MED13L: variants seen among roughly 807,000 people sequenced by gnomAD.
MED13L encodes the protein mediator complex subunit 13L.
In MED13L, 7 loss-of-function variants were observed where a neutral mutation model predicts 220.9. The observed-to-expected ratio is 0.03, with a 90% CI of 0.02 to 0.06. The LOEUF (loss-of-function observed/expected upper bound fraction) is 0.06. Among genes scored for constraint, MED13L ranks in the 10% least tolerant of loss-of-function variants. The pLI is 1.00. For missense variants in MED13L, 1,965 were observed against 2,760.5 expected (o/e 0.71, Z 6.46); for synonymous variants, 1,011 against 1,015.2 (o/e 1.00, Z 0.08).
At chr12:116,193,651 C>T (rs998035195) in intron 2 of MED13L, among the ~76,000 whole-genome samples, 2 of 150,986 alleles carry the variant, frequency 1.3e-5, no homozygotes, top group African/African-American at 4.9e-5. Flanking sequence ...TAATACCTCG[C>T]TATTTTTGTT....
At chr12:116,183,820 A>ATGTGTGTGTGTGTGTGTGTGTGTG (rs57716114) in intron 2 of MED13L, among the ~76,000 whole-genome samples, 2 of 146,486 alleles carry the variant, frequency 1.4e-5, no homozygotes, top group African/African-American at 5.0e-5. Context: ...GTGTGTGTGT[A>ATGTGTGTGTGTGTGTGTGTGTGTG]TGTGTGTGTG....
chr12:116,114,025 T>G (rs933475715), intron 2 of MED13L, among the ~76,000 whole-genome samples: 1 of 152,182 alleles, frequency 6.6e-6, no homozygotes, highest in African/African-American at 2.4e-5. Flanking sequence ...TCCTAAATAC[T>G]TCAGCGTGCA....
intron 4 of MED13L, among the ~76,000 whole-genome samples, chr12:116,066,128 C>G (rs572099384): frequency 1.3e-5 from 2 of 152,200 alleles, no homozygotes; most frequent in Non-Finnish European, 2.9e-5. Flanking sequence ...CACACACACA[C>G]GTGTGCACAC....
At chr12:116,205,600 T>A (rs1319602748) in intron 2 of MED13L, among the ~76,000 whole-genome samples, 3 of 151,544 alleles carry the variant, frequency 2.0e-5, no homozygotes, top group African/African-American at 7.3e-5. Context: ...CTACTGTTTT[T>A]GGCCAGAGGG....
At chr12:116,192,637 C>A (rs1345080472) in intron 2 of MED13L, among the ~76,000 whole-genome samples, 1 of 152,144 alleles carries the variant, frequency 6.6e-6, no homozygotes, top group Non-Finnish European at 1.5e-5. Context: ...GGAAGCTGGA[C>A]AGTTCAAGAC....
chr12:116,139,734 T>C (rs973446825), intron 2 of MED13L, among the ~76,000 whole-genome samples: 57 of 152,096 alleles, frequency 3.7e-4, no homozygotes, highest in African/African-American at 1.3e-3. Context: ...GTGGCTCACG[T>C]CTGTAATGCC....
At chr12:116,102,794 T>A (rs910060445) in intron 3 of MED13L, among the ~76,000 whole-genome samples, 4 of 141,016 alleles carry the variant, frequency 2.8e-5, no homozygotes, top group African/African-American at 7.9e-5. Flanking sequence ...TGATCTTGGC[T>A]CACTGCTACC....
chr12:116,203,083 C>T (rs182200699), intron 2 of MED13L, among the ~76,000 whole-genome samples: 353 of 152,260 alleles, frequency 2.3e-3, no homozygotes, highest in African/African-American at 8.2e-3. Context: ...ACAAAAACAG[C>T]GGGACCAAAT....
intron 26 of MED13L, 104 bp from the exon 27 acceptor site, chr12:115,970,874 G>T: frequency 9.3e-7 from 1 of 1,074,688 alleles, no homozygotes; most frequent in Non-Finnish European, 1.4e-6. Flanking sequence ...AAAATGCCAT[G>T]ATAAATACAC....
At chr12:116,201,927 A>C (rs776676743) in intron 2 of MED13L, among the ~76,000 whole-genome samples, 1 of 152,232 alleles carries the variant, frequency 6.6e-6, no homozygotes, top group Non-Finnish European at 1.5e-5. Flanking sequence ...AAGTCTTTTT[A>C]TGGCATTAAA....
intron 8 of MED13L, among the ~76,000 whole-genome samples, chr12:116,014,261 C>G (rs187597436): frequency 6.6e-6 from 1 of 152,312 alleles, no homozygotes; most frequent in East Asian, 1.9e-4. Flanking sequence ...AGAAACATTT[C>G]ATTGGCTTCT....
chr12:116,024,648 ATTTTTG>A (rs1397896751), intron 4 of MED13L, among the ~76,000 whole-genome samples: 2 of 151,182 alleles, frequency 1.3e-5, no homozygotes, highest in African/African-American at 2.4e-5. Context: ...CCCATTTTCT[ATTTTTG>A]TTTTTATTAC....
At chr12:115,967,170 CAAAAAAAAAAAAAA>C (rs34377158) in intron 28 of MED13L, among the ~76,000 whole-genome samples, 50 of 45,246 alleles carry the variant, frequency 1.1e-3, no homozygotes, top group Middle Eastern at 0.013. Context: ...GACTCTGTCT[CAAAAAAAAAAAAAA>C]AAAAAAAAAA....
intron 2 of MED13L, among the ~76,000 whole-genome samples, chr12:116,212,792 C>T (rs1417784193): frequency 2.6e-5 from 4 of 151,996 alleles, no homozygotes; most frequent in Non-Finnish European, 4.4e-5. Flanking sequence ...CAAGTGATTC[C>T]TAAATATACA....
chr12:115,961,345 G>C lies in MED13L; in HGVS notation c.6554C>G (p.Thr2185Ser). 6.2e-7 allele frequency: 1 copy of C among 1,614,154 alleles called. No homozygotes were observed. The change falls in exon 31 of 31, where the codon ACC (threonine) becomes AGC (serine). Residue 2185 changes from threonine (T) to serine (S), a missense_variant. Transcript: ENST00000281928. ...GGGAAGGCAGGAAGTACGGTCCTGG[G>C]TGGCCGGATTGCACGTGAGCCAGGA... Reference protein sequence around the residue: ...ALSWLTCNPATQDRTSCLPVH... With the variant: ...ALSWLTCNPASQDRTSCLPVH...
At chr12:116,273,139 T>C (rs1366896040) in intron 1 of MED13L, among the ~76,000 whole-genome samples, 1 of 152,056 alleles carries the variant, frequency 6.6e-6, no homozygotes, top group Non-Finnish European at 1.5e-5. Flanking sequence ...ACCCCGTCTC[T>C]ACTAAAAATA....
chr12:116,009,521 T>C (rs1254494293), intron 9 of MED13L, among the ~76,000 whole-genome samples: 1 of 152,192 alleles, frequency 6.6e-6, no homozygotes, highest in Non-Finnish European at 1.5e-5. Context: ...TTCTATTTTA[T>C]AACACTCTAC....
chr12:115,997,715 C>T (rs1878496396), intron 14 of MED13L, among the ~76,000 whole-genome samples: 1 of 152,212 alleles, frequency 6.6e-6, no homozygotes, highest in South Asian at 2.1e-4. Context: ...AGCCACTGTG[C>T]CTGGACTTTT....
intron 4 of MED13L, among the ~76,000 whole-genome samples, chr12:116,038,816 T>C (rs1255510552): frequency 1.3e-5 from 2 of 149,852 alleles, no homozygotes; most frequent in African/African-American, 4.9e-5. Context: ...GTATGCAGCC[T>C]TTCTTATAGA....
Sources: gnomAD v4.1 joint callset for allele counts (sites outside exome capture counted in the v4.1 genomes callset) on GRCh38, gnomAD v4.1.1 for gene constraint, MANE v1.5 for transcripts, NCBI Gene and HGNC (gene_info 2026-07-23, HGNC 2026-07-21) for gene names.